GRIK4: variants seen among roughly 807,000 people sequenced by gnomAD.
GRIK4 encodes glutamate ionotropic receptor kainate type subunit 4, also known as glutamate receptor ionotropic, kainate 4.
GRIK4 carries 40 observed loss-of-function variants against 104.9 expected under a neutral mutation model. That is an observed-to-expected ratio of 0.38 (90% confidence interval 0.30 to 0.50). GRIK4 has a LOEUF of 0.50. Ranked by LOEUF, GRIK4 falls within the 20% of genes least tolerant of loss-of-function variation. The pLI, the probability that GRIK4 is intolerant of heterozygous loss-of-function variation, is 0.93. For synonymous variants in GRIK4, 485 were observed against 524.9 expected (o/e 0.92, Z 1.04); for missense variants, 1,047 against 1,308.1 (o/e 0.80, Z 3.08).
At chr11:120,962,377 G>A (rs1444606489) in intron 17 of GRIK4, 79 bp from the exon 18 acceptor site, 3 of 902,850 alleles carry the variant, frequency 3.3e-6, no homozygotes, top group Admixed American at 4.3e-5. Context: ...ATCTTAAGGT[G>A]CACTTTGATT....
chr11:120,813,258 G>T (rs1952865580), intron 4 of GRIK4, among the ~76,000 whole-genome samples: 1 of 152,094 alleles, frequency 6.6e-6, no homozygotes, highest in Admixed American at 6.6e-5. Context: ...CCTTGATTAG[G>T]TGTGTGACCA....
intron 1 of GRIK4, among the ~76,000 whole-genome samples, chr11:120,588,301 G>A (rs566248580): frequency 3.9e-5 from 6 of 152,278 alleles, no homozygotes; most frequent in African/African-American, 1.4e-4. Flanking sequence ...TGAAGTGGGA[G>A]TTTTAGGAAG....
At chr11:120,831,741 ACCCCCCGACCCCACT>A in intron 6 of GRIK4, 96 bp from the exon 7 acceptor site, 1 of 734,886 alleles carries the variant, frequency 1.4e-6, no homozygotes, top group Non-Finnish European at 2.3e-6. Context: ...GTGGGGCCAG[ACCCCCCGACCCCACT>A]TCCAGCCCAC....
chr11:120,798,543 C>T (rs1952565553), intron 3 of GRIK4, among the ~76,000 whole-genome samples: 1 of 151,998 alleles, frequency 6.6e-6, no homozygotes, highest in African/African-American at 2.4e-5. Context: ...GTGGCATGAT[C>T]CTGTTGGCTC....
At chr11:120,759,911 G>T (rs995605846) in intron 3 of GRIK4, among the ~76,000 whole-genome samples, 4 of 151,900 alleles carry the variant, frequency 2.6e-5, no homozygotes, top group African/African-American at 9.7e-5. Context: ...ATAGTAAGAT[G>T]GTTGCTATAG....
intron 3 of GRIK4, among the ~76,000 whole-genome samples, chr11:120,738,297 G>A (rs1055050839): frequency 2.0e-5 from 3 of 152,230 alleles, no homozygotes; most frequent in East Asian, 1.9e-4. Context: ...AGTAAGCACC[G>A]TCTCAGAGTG....
chr11:120,846,287 C>G (rs1171409668), intron 8 of GRIK4, among the ~76,000 whole-genome samples: 1 of 152,198 alleles, frequency 6.6e-6, no homozygotes, highest in Non-Finnish European at 1.5e-5. Flanking sequence ...ATCAACTACA[C>G]TGAGTCAGCA....
At chr11:120,861,496 A>G (rs902104380) in intron 8 of GRIK4, among the ~76,000 whole-genome samples, 3 of 152,164 alleles carry the variant, frequency 2.0e-5, no homozygotes, top group African/African-American at 7.2e-5. Context: ...CAAGCACACC[A>G]TGGGCAGTTC....
intron 1 of GRIK4, among the ~76,000 whole-genome samples, chr11:120,611,081 A>G (rs944925575): frequency 2.6e-5 from 4 of 152,132 alleles, no homozygotes; most frequent in Admixed American, 2.6e-4. Flanking sequence ...GAACCAGGAG[A>G]GGGTCAGCTC....
intron 1 of GRIK4, among the ~76,000 whole-genome samples, chr11:120,652,313 A>C (rs1450495697): frequency 2.6e-5 from 4 of 152,206 alleles, no homozygotes; most frequent in Non-Finnish European, 5.9e-5. Flanking sequence ...TGCAGCTCAG[A>C]GAGTTGACTC....
intron 3 of GRIK4, among the ~76,000 whole-genome samples, chr11:120,729,604 G>A (rs1951093135): frequency 6.6e-6 from 1 of 152,112 alleles, no homozygotes; most frequent in Non-Finnish European, 1.5e-5. Flanking sequence ...TTCTTAATTG[G>A]ATCATTGGAC....
chr11:120,859,914 G>A (rs1264958948), intron 8 of GRIK4, among the ~76,000 whole-genome samples: 1 of 152,242 alleles, frequency 6.6e-6, no homozygotes, highest in Non-Finnish European at 1.5e-5. Flanking sequence ...GTTTGCACGT[G>A]TAAGCTAATG....
intron 3 of GRIK4, among the ~76,000 whole-genome samples, chr11:120,711,116 T>C (rs1408261760): frequency 6.6e-6 from 1 of 152,120 alleles, no homozygotes; most frequent in Non-Finnish European, 1.5e-5. Flanking sequence ...GTGTCTCTGA[T>C]GAATCCTGCA....
chr11:120,986,041 G>A lies in GRIK4; in HGVS notation c.2652G>A (p.Thr884=), dbSNP rs998963767. 2 of 1,522,862 alleles carry A rather than the reference G, an allele frequency of 1.3e-6. No homozygotes were observed. The highest frequency in any genetic ancestry group is 2.1e-5 in the Admixed American group (1 of 47,482). 94.3% of individuals were successfully genotyped at this position (1,522,862 alleles called of 1,614,324 possible). The part of the protein sequence containing the change: ...PIPEERRPRG[T]ATLSNGKLCG... ...CCGAGGAGCGCCGACCGCGGGGCACGGCGACGCTCAGCAACGGGAAGCTGT... is the reference window on the plus strand; with the variant it reads ...CCGAGGAGCGCCGACCGCGGGGCACAGCGACGCTCAGCAACGGGAAGCTGT... Residue 884 remains threonine, a synonymous_variant, in exon 21 of 21, where the codon ACG becomes ACA. Transcript: ENST00000527524.
intron 11 of GRIK4, among the ~76,000 whole-genome samples, chr11:120,890,839 C>T (rs1196643923): frequency 6.6e-6 from 1 of 152,156 alleles, no homozygotes; most frequent in Non-Finnish European, 1.5e-5. Context: ...TAAGTGTTTG[C>T]AAAACCTGAG....
Position 120,587,001 on chromosome 11 carries a change from A to T in GRIK4, c.-158-66684A>T, listed in dbSNP as rs917199355. ...ATGCTGTTTCTTCGCTCTGTCTGAAATTGCTTTGTAATAACAGTAGGAGTT... is the reference window on the plus strand; with the variant it reads ...ATGCTGTTTCTTCGCTCTGTCTGAATTTGCTTTGTAATAACAGTAGGAGTT... On this transcript the variant is annotated intron_variant, in intron 1 of 20. Transcript: ENST00000527524. Among the ~76,000 whole-genome samples, 105 of 152,208 alleles carry T rather than the reference A, an allele frequency of 6.9e-4. 1 individual carries two copies. Among genetic ancestry groups the T allele is most frequent in the African/African-American group, 2.5e-3 (103 of 41,452 alleles).
At position 120,549,884 on chromosome 11, in the gene GRIK4, A is replaced by G. The variant is rs1172659203; in HGVS notation, c.-159+37997A>G. On this transcript the variant is annotated intron_variant, in intron 1 of 20. Coordinates refer to ENST00000527524, the MANE Select transcript of GRIK4 (RefSeq NM_014619.5). This position sits in a 1 kb window ranked among gnomAD's most constrained non-coding sequence, Gnocchi z 4.7. ...AGGCTATGCTGGATGTTGAGATGTG[A>G]ACCTGCGAGGTAGACGGCAGCCTCA... Among the ~76,000 whole-genome samples the G allele has an allele frequency of 6.6e-6, 1 of 152,194 alleles. No individual in the cohort carries two copies. Among genetic ancestry groups the G allele is most frequent in the Non-Finnish European group, 1.5e-5 (1 of 68,044 alleles).
At chr11:120,960,605 TCA>T (rs1480787553) in intron 16 of GRIK4, among the ~76,000 whole-genome samples, 3 of 152,246 alleles carry the variant, frequency 2.0e-5, no homozygotes, top group Non-Finnish European at 4.4e-5. Flanking sequence ...AGCTCATTTC[TCA>T]CAGTCTCCAA....
chr11:120,572,014 A>G (rs899484157), intron 1 of GRIK4, among the ~76,000 whole-genome samples: 6 of 152,186 alleles, frequency 3.9e-5, no homozygotes, highest in South Asian at 2.1e-4. Flanking sequence ...GGCTTAAACA[A>G]CACATATTTC....
Sources: gnomAD v4.1 joint callset for allele counts (sites outside exome capture counted in the v4.1 genomes callset) on GRCh38, gnomAD v4.1.1 for gene constraint, Gnocchi (gnomAD v3.1) non-coding constraint, MANE v1.5 for transcripts, NCBI Gene and HGNC (gene_info 2026-07-23, HGNC 2026-07-21) for gene names.